Variants in EIF3D observed in about 807,000 individuals in gnomAD.
EIF3D encodes the protein eIF3 p66.
A neutral mutation model predicts 75.4 loss-of-function variants in EIF3D; 10 were observed. That is an observed-to-expected ratio of 0.13 (90% confidence interval 0.08 to 0.22). The LOEUF is 0.22. Among genes scored for constraint, EIF3D ranks in the 10% least tolerant of loss-of-function variants. EIF3D has a pLI of 1.00. For missense variants in EIF3D, 394 were observed against 708.0 expected, an observed-to-expected ratio of 0.56 and a Z score of 5.03; for synonymous variants, 246 against 248.3, an observed-to-expected ratio of 0.99 and a Z score of 0.09.
At chr22:36,519,016 A>G in intron 8 of EIF3D, 106 bp from the exon 9 acceptor site, 2 of 1,443,080 alleles carry the variant, frequency 1.4e-6, no homozygotes. Flanking sequence ...AATCCTTAAT[A>G]AGGAGGCCCC....
At chr22:36,516,391 A>G (rs62230003) in intron 12 of EIF3D, 87 bp downstream of exon 12, 46,738 of 1,491,962 alleles carry the variant, frequency 0.031, 848 homozygotes, top group Non-Finnish European at 0.036. Context: ...GATAAGAAAC[A>G]GTTTATACAA....
At position 36,516,494 on chromosome 22, in the gene EIF3D, T is replaced by C. The variant is rs1357478907; in HGVS notation, c.1190A>G (p.Asn397Ser). The C allele has an allele frequency of 2.5e-6, 4 of 1,613,976 alleles. No individual in the cohort carries two copies. The highest frequency in any genetic ancestry group is 1.3e-5 in the African/African-American group (1 of 74,936). ...EVSFINIKTL[N>S]EWDSRHCNGV... is the part of the protein sequence containing the mutation. ...GCGGCTCACCCTGGAATCCCACTCA[T>C]TGAGTGTCTTGATGTTGATGAAGGA... is the stretch of plus-strand genomic sequence containing the variant. Residue 397 changes from asparagine to serine, a missense_variant, in exon 12 of 15, where the codon AAT becomes AGT. Transcript: ENST00000216190.
chr22:36,519,677 T>A (rs900119345), intron 7 of EIF3D, 140 bp from the exon 8 acceptor site: 11 of 1,164,702 alleles, frequency 9.4e-6, no homozygotes, highest in Middle Eastern at 2.0e-4. Flanking sequence ...GAGAGACGAA[T>A]CCTCAGTGCT....
chr22:36,519,752 C>A (rs530021802), intron 7 of EIF3D, among the ~76,000 whole-genome samples: 1 of 152,184 alleles, frequency 6.6e-6, no homozygotes. Flanking sequence ...TCTAGCCCAA[C>A]GCCCCCATTT....
chr22:36,528,420 GT>G (rs1203633049), intron 1 of EIF3D, among the ~76,000 whole-genome samples: 9,072 of 148,020 alleles, frequency 0.061, 507 homozygotes, highest in African/African-American at 0.16. Context: ...TTTAATAAAT[GT>G]TTTTTTTTTT....
chr22:36,518,999 C>A, intron 8 of EIF3D, 89 bp from the exon 9 acceptor site: 2 of 1,504,812 alleles, frequency 1.3e-6, no homozygotes, highest in South Asian at 1.3e-5. Context: ...CCTTTGCTGA[C>A]CACATAAATC....
At position 36,512,531 on chromosome 22, in the gene EIF3D, C is replaced by T. The variant is rs755913489; in HGVS notation, c.1278G>A (p.Lys426=). The T allele has an allele frequency of 6.2e-7, 1 of 1,614,206 alleles. No homozygotes were observed. Among genetic ancestry groups the T allele is most frequent in the Non-Finnish European group, 8.5e-7 (1 of 1,180,050 alleles). ...QRGAVIATEL[K]NNSYKLARWT... ...ACCGGGCCAACTTGTAGCTGTTGTT[C>T]TTCAGCTCCGTGGCAATGACAGCCC... is the stretch of plus-strand genomic sequence containing the variant. Residue 426 remains lysine, a synonymous_variant, in exon 13 of 15, where the codon AAG becomes AAA. Coordinates refer to ENST00000216190, the MANE Select transcript of EIF3D (RefSeq NM_003753.4).
chr22:36,525,539 TA>T, intron 3 of EIF3D, 124 bp downstream of exon 3: 1 of 1,135,630 alleles, frequency 8.8e-7, no homozygotes, highest in Non-Finnish European at 1.3e-6. Context: ...AATACATCCC[TA>T]AAAGTTATGA....
chr22:36,526,668 C>T (rs995833995), intron 1 of EIF3D, among the ~76,000 whole-genome samples: 13 of 150,938 alleles, frequency 8.6e-5, no homozygotes, highest in African/African-American at 1.2e-4. Context: ...GGTGCAGTGG[C>T]GTGCAACTTC....
Position 36,516,820 on chromosome 22 carries a change from GCTAA to G in EIF3D, c.991-34_991-31del, listed in dbSNP as rs755713262. 1.0e-5 allele frequency: 16 copies of G among 1,605,798 alleles called. No homozygotes were observed. The South Asian group carries it at 1.8e-4, about 18-fold the overall frequency. ...AAAAACAAAGGTGTCACAAGACAGA[GCTAA>G]CTTTGTTGACAAGGCCAAGGCCAAT... On this transcript the variant is annotated intron_variant, in intron 10 of 14. Transcript: ENST00000216190.
chr22:36,514,042 G>A (rs1934384591), intron 12 of EIF3D, among the ~76,000 whole-genome samples: 1 of 152,086 alleles, frequency 6.6e-6, no homozygotes, highest in Non-Finnish European at 1.5e-5. Context: ...GTGAAATCCA[G>A]GACAGATTCA....
chr22:36,510,868 G>T lies in EIF3D; in HGVS notation c.*119C>A, dbSNP rs540031888. ...CAGACGATGAGGGAAAGACTAAACA[G>T]ATATATATTTTATTTCATCTGCTAA... On this transcript the variant is annotated 3_prime_UTR_variant, in exon 15 of 15. Coordinates refer to ENST00000216190, the MANE Select transcript of EIF3D (RefSeq NM_003753.4). 6.5e-6 allele frequency: 8 copies of T among 1,239,668 alleles called. No homozygotes were observed. In the East Asian group the frequency reaches 1.8e-4, roughly 27 times the overall value. 76.8% of individuals were successfully genotyped at this position (1,239,668 alleles called of 1,614,324 possible). A position where few individuals can be genotyped will look rare whatever the true frequency, so the allele number is the denominator to read the frequency against.
At chr22:36,522,190 C>T (rs1007493455) in intron 6 of EIF3D, among the ~76,000 whole-genome samples, 3 of 151,976 alleles carry the variant, frequency 2.0e-5, no homozygotes, top group African/African-American at 4.8e-5. Context: ...CCCCTATCTA[C>T]AGAAAATACA....
chr22:36,521,083 C>T (rs1221990878), intron 6 of EIF3D, among the ~76,000 whole-genome samples: 15 of 152,142 alleles, frequency 9.9e-5, no homozygotes, highest in Admixed American at 9.8e-4. Context: ...GCCTGTAATC[C>T]CAGCTACTCG....
intron 14 of EIF3D, 87 bp from the exon 15 acceptor site, chr22:36,511,087 C>T (rs1555887994): frequency 1.6e-5 from 24 of 1,488,050 alleles, no homozygotes; most frequent in Admixed American, 6.8e-5. Context: ...CTGGACTGTG[C>T]GTGAGTTTTC....
intron 2 of EIF3D, 133 bp from the exon 3 acceptor site, chr22:36,525,842 C>A: frequency 6.9e-7 from 1 of 1,447,046 alleles, no homozygotes; most frequent in Non-Finnish European, 9.4e-7. Context: ...TGTAAGTGCC[C>A]AGCTCTTCTA....
At chr22:36,522,642 C>G (rs1415573853) in intron 6 of EIF3D, among the ~76,000 whole-genome samples, 1 of 151,894 alleles carries the variant, frequency 6.6e-6, no homozygotes, top group Non-Finnish European at 1.5e-5. Context: ...TTCATAGCTG[C>G]CTACTGCTGG....
Position 36,524,635 on chromosome 22 carries a change from C to G in EIF3D, c.267G>C (p.Gln89His). The G allele has an allele frequency of 6.2e-7, 1 of 1,614,212 alleles. No individual in the cohort carries two copies. The highest frequency in any genetic ancestry group is 1.1e-5 in the South Asian group (1 of 91,084). Residue 89 changes from glutamine to histidine, a missense_variant, in exon 4 of 15, where the codon CAG becomes CAC. By Grantham distance (24) the Gln-to-His change is conservative. Coordinates refer to ENST00000216190, the MANE Select transcript of EIF3D (RefSeq NM_003753.4). ...TTCGATTCCGCTGGTAGGCCGTCTT[C>G]TGTGTGCGCGCTGTATCCACCAGCT... Reference protein sequence around the residue: ...SFQLVDTARTQKTAYQRNRMR... With the variant: ...SFQLVDTARTHKTAYQRNRMR...
In EIF3D at chr22:36,517,444, G is replaced by A. The variant is rs771732391; in HGVS notation, c.860-13C>T. The A allele has an allele frequency of 3.7e-6, 6 of 1,603,100 alleles. No homozygotes were observed. In the East Asian group the frequency reaches 1.1e-4, roughly 30 times the overall value. ...ACTGTCAGGAGGTCTGCAAAAGCGT[G>A]GCATGGTCACTCACCATGCAACAAA... is the stretch of plus-strand genomic sequence containing the variant. On this transcript the variant is annotated splice_polypyrimidine_tract_variant and intron_variant, in intron 9 of 14. Coordinates refer to ENST00000216190, the MANE Select transcript of EIF3D (RefSeq NM_003753.4).
Sources: allele counts gnomAD v4.1 joint callset (sites outside exome capture counted in the v4.1 genomes callset), GRCh38; gene constraint gnomAD v4.1.1; transcripts MANE v1.5; gene names NCBI Gene and HGNC (gene_info 2026-07-23, HGNC 2026-07-21).